MAP4: variants seen among roughly 807,000 people sequenced by gnomAD.
The protein encoded by MAP4 is microtubule associated protein 4, also known as microtubule-associated protein 4.
In MAP4, 76 loss-of-function variants were observed where a neutral mutation model predicts 170.2. The observed-to-expected ratio is 0.45, with a 90% CI of 0.37 to 0.54. The LOEUF (loss-of-function observed/expected upper bound fraction) is 0.54, where lower values mean the gene tolerates loss of function less well. Among genes scored for constraint, MAP4 ranks in the 20% least tolerant of loss-of-function variants. The probability of loss-of-function intolerance (pLI) is 0.00; values close to 1 mark genes in which losing one functional copy is unlikely to be tolerated. For missense variants in MAP4, 2,506 were observed against 2,748.0 expected (o/e 0.91, Z 1.97); for synonymous variants, 909 against 994.5 (o/e 0.91, Z 1.62).
At chr3:48,083,772 G>T (rs1465169273) in intron 1 of MAP4, among the ~76,000 whole-genome samples, 1 of 151,260 alleles carries the variant, frequency 6.6e-6, no homozygotes, top group Non-Finnish European at 1.5e-5. Flanking sequence ...TGTTGCCCAG[G>T]CTGGAGTGCA....
At chr3:47,952,505 A>T (rs1394332334) in intron 3 of MAP4, among the ~76,000 whole-genome samples, 2 of 152,154 alleles carry the variant, frequency 1.3e-5, no homozygotes, top group Non-Finnish European at 2.9e-5. Flanking sequence ...GTGTAGAAAG[A>T]AGTAGACATG....
intron 1 of MAP4, among the ~76,000 whole-genome samples, chr3:48,073,529 T>C (rs1372417803): frequency 6.6e-6 from 1 of 151,508 alleles, no homozygotes; most frequent in African/African-American, 2.4e-5. Context: ...GAGAATCGCT[T>C]GAACCCAGGA....
chr3:47,944,770 T>C (rs544080719), intron 3 of MAP4, among the ~76,000 whole-genome samples: 124 of 151,846 alleles, frequency 8.2e-4, no homozygotes, highest in African/African-American at 3.0e-3. Context: ...ACTGTTTATA[T>C]ATATATCCCC....
intron 1 of MAP4, among the ~76,000 whole-genome samples, chr3:48,058,643 T>A (rs1298971369): frequency 6.6e-6 from 1 of 152,212 alleles, no homozygotes; most frequent in Non-Finnish European, 1.5e-5. Flanking sequence ...ACCCAAGTAA[T>A]TCATTAATTA....
In MAP4 at chr3:47,973,837, A is replaced by G. The variant is rs2154254317; in HGVS notation, c.292+4028T>C. ...ATAAATAACTGTACACCAAAGGGAA[A>G]GGGTTGTGTTTTCTTTGATGGTGTA... On this transcript the variant is annotated intron_variant, in intron 3 of 20. Coordinates refer to ENST00000683076, the MANE Select transcript of MAP4 (RefSeq NM_001385682.1). 3 of 985,392 alleles carry G rather than the reference A, an allele frequency of 3.0e-6. No homozygotes were observed. In the Middle Eastern group the frequency reaches 1.6e-3, roughly 515 times the overall value. 61.0% of individuals were successfully genotyped at this position (985,392 alleles called of 1,614,324 possible).
intron 17 of MAP4, among the ~76,000 whole-genome samples, chr3:47,863,822 T>C (rs1017128066): frequency 1.3e-5 from 2 of 151,822 alleles, no homozygotes; most frequent in Non-Finnish European, 2.9e-5. Context: ...TGTCTGTCTG[T>C]CTGTCGGGGG....
chr3:47,966,874 T>C (rs899028046), intron 3 of MAP4, among the ~76,000 whole-genome samples: 3 of 152,236 alleles, frequency 2.0e-5, no homozygotes, highest in Non-Finnish European at 4.4e-5. Flanking sequence ...CAGTTTTGAT[T>C]ATTATAGCAT....
chr3:48,077,433 C>T (rs2100144494), intron 1 of MAP4, among the ~76,000 whole-genome samples: 1 of 137,698 alleles, frequency 7.3e-6, no homozygotes, highest in Non-Finnish European at 1.6e-5. Flanking sequence ...GCAACAAGAA[C>T]GAAACTCAGT....
intron 2 of MAP4, among the ~76,000 whole-genome samples, chr3:47,982,394 A>C (rs947957896): frequency 6.6e-6 from 1 of 152,232 alleles, no homozygotes; most frequent in African/African-American, 2.4e-5. Flanking sequence ...AGGACTCAAA[A>C]GAAGAATTTA....
At chr3:48,030,573 C>T (rs1339488442) in intron 1 of MAP4, among the ~76,000 whole-genome samples, 1 of 150,870 alleles carries the variant, frequency 6.6e-6, no homozygotes, top group Non-Finnish European at 1.5e-5. Context: ...CCAAGGCAGG[C>T]AGATCACCTG....
Position 47,896,144 on chromosome 3 carries a change from G to A in MAP4, c.5434+6806C>T, listed in dbSNP as rs182591488. On this transcript the variant is annotated intron_variant, in intron 10 of 20. Coordinates refer to ENST00000683076, the MANE Select transcript of MAP4 (RefSeq NM_001385682.1). ...TCTGAGTACAACAAAACACATAGCC[G>A]TGAGGATTGAGGGAATATATATAAA... Among the ~76,000 whole-genome samples, 254 of 152,304 alleles carry A rather than the reference G, an allele frequency of 1.7e-3. 1 individual carries two copies. Among genetic ancestry groups the A allele is most frequent in the African/African-American group, 5.3e-3 (219 of 41,576 alleles).
Position 47,852,579 on chromosome 3 carries a change from G to C in MAP4, c.*355C>G. 1 of 612,226 alleles carries C rather than the reference G, an allele frequency of 1.6e-6. No individual in the cohort carries two copies. The highest frequency in any genetic ancestry group is 2.7e-6 in the Non-Finnish European group (1 of 364,772). The allele number at this position is 612,226 out of a possible 1,614,324, so 37.9% of individuals were successfully genotyped here. On this transcript the variant is annotated 3_prime_UTR_variant, in exon 21 of 21. Transcript: ENST00000683076. ...GATAGAATCTGGTTCTCCTCTCCTA[G>C]ATCCCAACTTAGCCTCAACCACCCC... is the stretch of plus-strand genomic sequence containing the variant.
At chr3:47,900,639 G>A (rs2100029512) in intron 10 of MAP4, among the ~76,000 whole-genome samples, 1 of 152,152 alleles carries the variant, frequency 6.6e-6, no homozygotes, top group Non-Finnish European at 1.5e-5. Context: ...GGGAGGCTGA[G>A]GCAGGAGAAT....
intron 1 of MAP4, among the ~76,000 whole-genome samples, chr3:48,042,422 A>G (rs2100122103): frequency 6.6e-6 from 1 of 152,202 alleles, no homozygotes; most frequent in African/African-American, 2.4e-5. Context: ...AAAATACCAA[A>G]AACTCTGGCA....
At chr3:47,926,854 G>T (rs1011328435) in intron 4 of MAP4, among the ~76,000 whole-genome samples, 1 of 152,054 alleles carries the variant, frequency 6.6e-6, no homozygotes, top group Admixed American at 6.5e-5. Context: ...TACTTTAAAT[G>T]GGTAAACTGT....
intron 3 of MAP4, among the ~76,000 whole-genome samples, chr3:47,952,075 G>C (rs1398274701): frequency 6.8e-6 from 1 of 147,930 alleles, no homozygotes; most frequent in Non-Finnish European, 1.5e-5. Context: ...GTCTCTGCCC[G>C]GCCGCCCCGT....
At chr3:47,952,112 G>A (rs563374406) in intron 3 of MAP4, among the ~76,000 whole-genome samples, 5 of 147,516 alleles carry the variant, frequency 3.4e-5, no homozygotes, top group Admixed American at 6.7e-5. Context: ...CCCTCCGCCC[G>A]GCAGCTGCCC....
chr3:48,042,010 G>C (rs2100121873), intron 1 of MAP4, among the ~76,000 whole-genome samples: 1 of 152,146 alleles, frequency 6.6e-6, no homozygotes, highest in Non-Finnish European at 1.5e-5. Context: ...CTCTTCAGCT[G>C]GCTATTTATG....
intron 3 of MAP4, among the ~76,000 whole-genome samples, chr3:47,955,245 T>G (rs1039592236): frequency 2.6e-5 from 4 of 152,132 alleles, no homozygotes; most frequent in Non-Finnish European, 5.9e-5. Flanking sequence ...GCACTTGGTA[T>G]ACTGCTATTA....
Sources: allele counts gnomAD v4.1 joint callset (sites outside exome capture counted in the v4.1 genomes callset), GRCh38; gene constraint gnomAD v4.1.1; transcripts MANE v1.5; gene names NCBI Gene and HGNC (gene_info 2026-07-23, HGNC 2026-07-21).